The following FBXO11 variants were observed in gnomAD, a reference collection of about 807,000 sequenced individuals.
FBXO11 encodes F-box protein 11.
In FBXO11, 13 loss-of-function variants were observed where a neutral mutation model predicts 117.0. That is an observed-to-expected ratio of 0.11 (90% CI 0.07 to 0.18). The LOEUF (loss-of-function observed/expected upper bound fraction) is 0.18. FBXO11 is among the 10% of genes least tolerant of loss of function. The pLI is 1.00. For synonymous variants in FBXO11, 490 were observed against 380.5 expected (o/e 1.29, Z -3.35); for missense variants, 767 against 1,164.4 (o/e 0.66, Z 4.97).
chr2:47,827,305 TTTTG>T (rs145664404), intron 11 of FBXO11, among the ~76,000 whole-genome samples: 1,897 of 152,294 alleles, frequency 0.012, 25 homozygotes, highest in African/African-American at 0.04. Context: ...TTCAAGATTT[TTTTG>T]TTTGTTTGTT....
intron 1 of FBXO11, among the ~76,000 whole-genome samples, chr2:47,900,669 TATATACAC>T (rs1558486860): frequency 2.0e-5 from 1 of 50,792 alleles, no homozygotes; most frequent in African/African-American, 1.4e-4. Context: ...CACACGTACG[TATATACAC>T]ACGTATACAC....
In FBXO11 at chr2:47,884,824, T is replaced by G. The variant is rs546371540; in HGVS notation, c.232+20665A>C. Among the ~76,000 whole-genome samples the G allele has an allele frequency of 4.0e-5, 6 of 151,650 alleles. No individual in the cohort carries two copies. In the East Asian group the frequency reaches 1.2e-3, roughly 29 times the overall value. On this transcript the variant is annotated intron_variant, in intron 1 of 22. Transcript: ENST00000403359. ...AAAAACACGGATTCTAATCCTAAGG[T>G]TGCCAATTACTAACTCTTGTGAATT...
At chr2:47,823,773 G>A (rs1249033520) in intron 11 of FBXO11, among the ~76,000 whole-genome samples, 1 of 151,540 alleles carries the variant, frequency 6.6e-6, no homozygotes, top group African/African-American at 2.4e-5. Flanking sequence ...TAAAAAAAAA[G>A]TTTAAGAATA....
intron 1 of FBXO11, among the ~76,000 whole-genome samples, chr2:47,895,823 GCT>G (rs1231249780): frequency 6.6e-6 from 1 of 152,052 alleles, no homozygotes; most frequent in East Asian, 1.9e-4. Flanking sequence ...CTCCCGAGTA[GCT>G]GGGATTACAG....
chr2:47,836,858 A>G (rs867536395), intron 4 of FBXO11: 2 of 305,272 alleles, frequency 6.6e-6, no homozygotes, highest in Middle Eastern at 2.5e-3. Context: ...ATCATGGCTC[A>G]TTGCAGCCTT....
chr2:47,843,689 T>G lies in FBXO11; in HGVS notation c.233-3920A>C, dbSNP rs375932412. ...AGTCTAGTATTTTTTAAATCCTTTATTTTCAATTTCTTACTTTTATGGATT... is the reference window on the plus strand; with the variant it reads ...AGTCTAGTATTTTTTAAATCCTTTAGTTTCAATTTCTTACTTTTATGGATT... On this transcript the variant is annotated intron_variant, in intron 1 of 22. Transcript: ENST00000403359. 2.0e-4 allele frequency among the ~76,000 whole-genome samples: 31 copies of G among 152,278 alleles called. 1 individual carries two copies. Among genetic ancestry groups the G allele is most frequent in the African/African-American group, 7.5e-4 (31 of 41,572 alleles).
Position 47,807,040 on chromosome 2 carries a change from T to C in FBXO11, c.*1078A>G. On this transcript the variant is annotated 3_prime_UTR_variant, in exon 23 of 23. Coordinates refer to ENST00000403359, the MANE Select transcript of FBXO11 (RefSeq NM_001190274.2). ...AATGGTTATTGAATACTCCACAATA[T>C]ATTAAGTCTAGATGTTATGGTACAT... 1 of 616,278 alleles carries C rather than the reference T, an allele frequency of 1.6e-6. No homozygotes were observed. The highest frequency in any genetic ancestry group is 2.0e-5 in the South Asian group (1 of 51,258). The allele number at this position is 616,278 out of a possible 1,614,324, so 38.2% of individuals were successfully genotyped here. A position where few individuals can be genotyped will look rare whatever the true frequency, so the allele number is the denominator to read the frequency against.
chr2:47,864,154 A>G (rs1158446026), intron 1 of FBXO11, among the ~76,000 whole-genome samples: 2 of 152,244 alleles, frequency 1.3e-5, no homozygotes, highest in Non-Finnish European at 1.5e-5. Context: ...TAACATAACT[A>G]TGGTAGTTAA....
chr2:47,828,025 T>TG (rs1671893874), intron 11 of FBXO11, among the ~76,000 whole-genome samples: 1 of 152,092 alleles, frequency 6.6e-6, no homozygotes, highest in Admixed American at 6.6e-5. Context: ...GGAATCTCCC[T>TG]GTCACCCAAG....
At chr2:47,810,093 T>C (rs998497863) in intron 19 of FBXO11, 9 of 505,046 alleles carry the variant, frequency 1.8e-5, no homozygotes, top group Admixed American at 1.1e-4. Context: ...AAATGTTTCA[T>C]AATCACGACT....
chr2:47,843,853 A>G (rs912488123), intron 1 of FBXO11, among the ~76,000 whole-genome samples: 2 of 151,840 alleles, frequency 1.3e-5, no homozygotes, highest in Non-Finnish European at 2.9e-5. Flanking sequence ...CTATTCTCCC[A>G]CCTCAGCCTT....
At position 47,835,796 on chromosome 2, in the gene FBXO11, C is replaced by T. The variant is rs1672517851; in HGVS notation, c.717+76G>A. On this transcript the variant is annotated intron_variant, in intron 5 of 22. Transcript: ENST00000403359. ...TACAGGTGTGAGCCACCACGCCCAGCCTAAACTTATTTCTTAAAAGAAAGT... is the reference window on the plus strand; with the variant it reads ...TACAGGTGTGAGCCACCACGCCCAGTCTAAACTTATTTCTTAAAAGAAAGT... The T allele has an allele frequency of 4.9e-6, 6 of 1,234,412 alleles. No individual in the cohort carries two copies. In the Admixed American group the frequency reaches 7.4e-5, roughly 15 times the overall value. 76.5% of individuals were successfully genotyped at this position (1,234,412 alleles called of 1,614,324 possible). A position where few individuals can be genotyped will look rare whatever the true frequency, so the allele number is the denominator to read the frequency against.
chr2:47,839,325 T>G lies in FBXO11; in HGVS notation c.442+94A>C. The G allele has an allele frequency of 2.7e-6, 3 of 1,108,974 alleles. No individual in the cohort carries two copies. In the South Asian group the frequency reaches 4.6e-5, roughly 17 times the overall value. 68.7% of individuals were successfully genotyped at this position (1,108,974 alleles called of 1,614,324 possible). ...ATAATCACTTTCTGAATCCCAAAGG[T>G]AATACTCGAATACACTTAATTTTCA... On this transcript the variant is annotated intron_variant, in intron 3 of 22. Transcript: ENST00000403359.
Position 47,901,037 on chromosome 2 carries a change from G to A in FBXO11, c.232+4452C>T, listed in dbSNP as rs144624130. 7.2e-3 allele frequency among the ~76,000 whole-genome samples: 985 copies of A among 136,688 alleles called. 13 individuals carry two copies. Among genetic ancestry groups the A allele is most frequent in the African/African-American group, 0.023 (864 of 37,582 alleles). 89.7% of individuals were successfully genotyped at this position (136,688 alleles called of 152,430 possible). A position where few individuals can be genotyped will look rare whatever the true frequency, so the allele number is the denominator to read the frequency against. ...TATATTTATGTATATATATACACAC[G>A]TGTGTACATATATACACATATATAT... On this transcript the variant is annotated intron_variant, in intron 1 of 22. Coordinates refer to ENST00000403359, the MANE Select transcript of FBXO11 (RefSeq NM_001190274.2).
At chr2:47,839,282 T>A in intron 3 of FBXO11, 137 bp downstream of exon 3, 1 of 843,260 alleles carries the variant, frequency 1.2e-6, no homozygotes, top group East Asian at 2.7e-5. Flanking sequence ...AGGTCAGGGT[T>A]CTAAAGTTTA....
intron 1 of FBXO11, among the ~76,000 whole-genome samples, chr2:47,845,051 AG>A (rs1276254041): frequency 6.6e-6 from 1 of 152,336 alleles, no homozygotes; most frequent in Admixed American, 6.5e-5. Flanking sequence ...AACACTCAAA[AG>A]TACATTCTCA....
At chr2:47,879,183 G>C (rs146964452) in intron 1 of FBXO11, among the ~76,000 whole-genome samples, 2 of 152,020 alleles carry the variant, frequency 1.3e-5, no homozygotes, top group East Asian at 1.9e-4. Flanking sequence ...TAATTTCTTT[G>C]ACTAATCCCC....
At chr2:47,870,945 A>G (rs889944619) in intron 1 of FBXO11, among the ~76,000 whole-genome samples, 3 of 152,216 alleles carry the variant, frequency 2.0e-5, no homozygotes, top group Non-Finnish European at 4.4e-5. Context: ...ACATGCACAT[A>G]CTACTACTTG....
chr2:47,900,696 ACACACACG>A, intron 1 of FBXO11, among the ~76,000 whole-genome samples: 1 of 98,906 alleles, frequency 1.0e-5, no homozygotes, highest in African/African-American at 3.8e-5. Flanking sequence ...ACACACGTAT[ACACACACG>A]TGTATATATA....
Sources: gnomAD v4.1 joint callset for allele counts (sites outside exome capture counted in the v4.1 genomes callset) on GRCh38, gnomAD v4.1.1 for gene constraint, MANE v1.5 for transcripts, NCBI Gene and HGNC (gene_info 2026-07-23, HGNC 2026-07-21) for gene names.